Variants in VANGL1 observed in about 807,000 individuals in gnomAD.
VANGL1 encodes the protein VANGL planar cell polarity protein 1, also known as vang-like protein 1.
VANGL1 carries 18 observed loss-of-function variants against 48.4 expected under a neutral mutation model. The observed-to-expected ratio is 0.37, with a 90% CI of 0.26 to 0.55. The LOEUF is 0.55. Among genes scored for constraint, VANGL1 ranks in the 20% least tolerant of loss-of-function variants. VANGL1 has a pLI of 0.81. For missense variants in VANGL1, 667 were observed against 675.8 expected, an observed-to-expected ratio of 0.99 and a Z score of 0.14; for synonymous variants, 257 against 261.8, an observed-to-expected ratio of 0.98 and a Z score of 0.18.
At chr1:115,673,910 C>A (rs1257054468) in intron 4 of VANGL1, among the ~76,000 whole-genome samples, 1 of 152,048 alleles carries the variant, frequency 6.6e-6, no homozygotes, top group Non-Finnish European at 1.5e-5. Context: ...CACCTCTTTT[C>A]TTATACGGAT....
rs981841489 is a variant in VANGL1, at chr1:115,695,662, G to A, written c.*4283G>A. 1 of 152,212 alleles carries A rather than the reference G, an allele frequency of 6.6e-6. No individual in the cohort carries two copies. The highest frequency in any genetic ancestry group is 2.4e-5 in the African/African-American group (1 of 41,440). The allele number at this position is 152,212 out of a possible 1,614,324, so 9.4% of individuals were successfully genotyped here. On this transcript the variant is annotated 3_prime_UTR_variant, in exon 8 of 8. Transcript: ENST00000355485. The stretch of plus-strand genomic sequence containing the variant: ...CATTTATCAGGTAATGTATGTCACA[G>A]TCCGTGTTCCACCCAGCCTTGTTAT...
intron 2 of VANGL1, 122 bp downstream of exon 2, chr1:115,651,606 C>A: frequency 1.2e-6 from 1 of 824,770 alleles, no homozygotes; most frequent in Non-Finnish European, 2.0e-6. Context: ...GCATGAGAAG[C>A]TGAGCTTTAA....
rs1160475878 is a variant in VANGL1 at position 115,683,733 on chromosome 1, T to C, written c.947-211T>C. On this transcript the variant is annotated intron_variant, in intron 5 of 7. Transcript: ENST00000355485. The stretch of plus-strand genomic sequence containing the variant: ...TCCATTTCCACTGACCAGATTGGGG[T>C]TTAGGGAGATTCCTCTGCTCCCTTG... 2.0e-5 allele frequency among the ~76,000 whole-genome samples: 3 copies of C among 152,252 alleles called. No homozygotes were observed. In the East Asian group the frequency reaches 5.8e-4, roughly 29 times the overall value.
chr1:115,652,172 C>T (rs529815043), intron 2 of VANGL1, among the ~76,000 whole-genome samples: 32 of 152,260 alleles, frequency 2.1e-4, no homozygotes, highest in Non-Finnish European at 4.3e-4. Context: ...GTAGGATTGT[C>T]CTGGCACCTT....
chr1:115,657,627 G>C (rs904478165), intron 2 of VANGL1, among the ~76,000 whole-genome samples: 1 of 152,166 alleles, frequency 6.6e-6, no homozygotes, highest in African/African-American at 2.4e-5. Context: ...TGTTTCCCTA[G>C]CTGCCTTGTT....
intron 1 of VANGL1, chr1:115,642,582 C>G (rs1354345715): frequency 6.6e-6 from 1 of 152,380 alleles, no homozygotes; most frequent in South Asian, 2.1e-4. Flanking sequence ...CCGGGCGCCG[C>G]CTGGCCCTTC....
At chr1:115,686,102 C>T (rs111594701) in intron 7 of VANGL1, among the ~76,000 whole-genome samples, 177 of 152,058 alleles carry the variant, frequency 1.2e-3, no homozygotes, top group Non-Finnish European at 2.0e-3. Context: ...TGCCTTGTTG[C>T]CATATTCAAT....
chr1:115,669,163 A>G (rs1246879880), intron 4 of VANGL1, among the ~76,000 whole-genome samples: 2 of 152,226 alleles, frequency 1.3e-5, no homozygotes, highest in African/African-American at 2.4e-5. Context: ...ATGAACATCA[A>G]TGAAAAATGA....
intron 3 of VANGL1, among the ~76,000 whole-genome samples, chr1:115,663,042 T>C (rs959811304): frequency 3.3e-5 from 5 of 152,084 alleles, no homozygotes; most frequent in South Asian, 2.1e-4. Context: ...GCCTCGGCCT[T>C]CCAAAGTACG....
chr1:115,659,267 A>G (rs759510660), intron 2 of VANGL1, among the ~76,000 whole-genome samples: 50 of 152,152 alleles, frequency 3.3e-4, no homozygotes, highest in Admixed American at 8.5e-4. Context: ...TAAAAGCCCT[A>G]GAAAACTGGT....
rs1158301726 is a variant in VANGL1, at chr1:115,659,740, G to A, written c.171G>A (p.Leu57=). ...TIQPPTGEPL[L]GNDSTRTEEV... The stretch of plus-strand genomic sequence containing the variant: ...AACCTCCCACTGGAGAGCCCCTGTT[G>A]GGAAATGATTCTACTCGGACAGAGG... The change falls in exon 3 of 8, where the codon TTG becomes TTA. Residue 57 remains leucine (L), a synonymous_variant. Transcript: ENST00000355485. The A allele has an allele frequency of 6.2e-7, 1 of 1,614,048 alleles. No homozygotes were observed. Among genetic ancestry groups the A allele is most frequent in the Non-Finnish European group, 8.5e-7 (1 of 1,180,032 alleles).
At chr1:115,670,380 T>C (rs1652934833) in intron 4 of VANGL1, among the ~76,000 whole-genome samples, 1 of 152,242 alleles carries the variant, frequency 6.6e-6, no homozygotes, top group Non-Finnish European at 1.5e-5. Context: ...AGAGCTCATC[T>C]TGTCCTCTCT....
In VANGL1 at chr1:115,691,884, A is replaced by G. The variant is rs6700610; in HGVS notation, c.*505A>G. ...GGCAGTTCAGGAGATACCTGCCTTCATCTTTGTTCTTTGTTGCCTTAGGTT... is the reference window on the plus strand; with the variant it reads ...GGCAGTTCAGGAGATACCTGCCTTCGTCTTTGTTCTTTGTTGCCTTAGGTT... On this transcript the variant is annotated 3_prime_UTR_variant, in exon 8 of 8. Coordinates refer to ENST00000355485, the MANE Select transcript of VANGL1 (RefSeq NM_138959.3). 104,596 of 154,628 alleles carry G rather than the reference A, an allele frequency of 0.68. 36,426 individuals carry two copies. The highest frequency in any genetic ancestry group is 0.83 in the African/African-American group (34,652 of 41,542). 9.6% of individuals were successfully genotyped at this position (154,628 alleles called of 1,614,324 possible).
intron 3 of VANGL1, among the ~76,000 whole-genome samples, chr1:115,662,786 ATTT>A (rs747147852): frequency 2.9e-5 from 4 of 137,572 alleles, no homozygotes; most frequent in Non-Finnish European, 3.1e-5. Context: ...TCATAAGGAG[ATTT>A]TTTTTTTTTT....
rs1213905869 is a variant in VANGL1, at chr1:115,697,910, C to G, written c.*6531C>G. 6.6e-6 allele frequency: 1 copy of G among 152,166 alleles called. No homozygotes were observed. Among genetic ancestry groups the G allele is most frequent in the Non-Finnish European group, 1.5e-5 (1 of 68,048 alleles). The allele number at this position is 152,166 out of a possible 1,614,324, so 9.4% of individuals were successfully genotyped here. Reference sequence around the variant, plus strand: ...GTGTATGACAAGGCCTGAGTGAGTTCCTGCATAAACTGGGTAGTGGGCTCT... The same window carrying G: ...GTGTATGACAAGGCCTGAGTGAGTTGCTGCATAAACTGGGTAGTGGGCTCT... On this transcript the variant is annotated 3_prime_UTR_variant, in exon 8 of 8. Transcript: ENST00000355485.
At chr1:115,682,038 C>A (rs992257388) in intron 4 of VANGL1, among the ~76,000 whole-genome samples, 1 of 152,150 alleles carries the variant, frequency 6.6e-6, no homozygotes, top group Non-Finnish European at 1.5e-5. Context: ...TTTTGTAAAC[C>A]GAGGAAAAAT....
In VANGL1 at chr1:115,696,718, T is replaced by C. The variant is rs1347992772; in HGVS notation, c.*5339T>C. The stretch of plus-strand genomic sequence containing the variant: ...TTGTCTATGAAATAAGCCTCTTTAG[T>C]GGGTTGTTTTAGTCTCTCCAACAAA... On this transcript the variant is annotated 3_prime_UTR_variant, in exon 8 of 8. Transcript: ENST00000355485. 6.6e-6 allele frequency: 1 copy of C among 152,224 alleles called. No individual in the cohort carries two copies. Among genetic ancestry groups the C allele is most frequent in the Non-Finnish European group, 1.5e-5 (1 of 68,038 alleles). The allele number at this position is 152,224 out of a possible 1,614,324, so 9.4% of individuals were successfully genotyped here. A position where few individuals can be genotyped will look rare whatever the true frequency, so the allele number is the denominator to read the frequency against.
In VANGL1 at chr1:115,696,477, T is replaced by G. The variant is rs958262216; in HGVS notation, c.*5098T>G. 16 of 152,252 alleles carry G rather than the reference T, an allele frequency of 1.1e-4. No homozygotes were observed. Among genetic ancestry groups the G allele is most frequent in the Non-Finnish European group, 1.9e-4 (13 of 68,058 alleles). 9.4% of individuals were successfully genotyped at this position (152,252 alleles called of 1,614,324 possible). A position where few individuals can be genotyped will look rare whatever the true frequency, so the allele number is the denominator to read the frequency against. On this transcript the variant is annotated 3_prime_UTR_variant, in exon 8 of 8. Transcript: ENST00000355485. ...CATATGTAGTAAGTTTTGATTCAGT[T>G]GTGCATAAACCATAGTTTTCTGCCC...
rs1219710328 is a variant in VANGL1, at chr1:115,692,389, A to T, written c.*1010A>T. 1 of 152,748 alleles carries T rather than the reference A, an allele frequency of 6.5e-6. No individual in the cohort carries two copies. The highest frequency in any genetic ancestry group is 6.5e-5 in the Admixed American group (1 of 15,288). 9.5% of individuals were successfully genotyped at this position (152,748 alleles called of 1,614,324 possible). ...GGGGACGTAAGTTCTTCCCAAGCTTAGAGCAAGCTGCCCTGCCAAAGGAGA... is the reference window on the plus strand; with the variant it reads ...GGGGACGTAAGTTCTTCCCAAGCTTTGAGCAAGCTGCCCTGCCAAAGGAGA... On this transcript the variant is annotated 3_prime_UTR_variant, in exon 8 of 8. Transcript: ENST00000355485.
Sources: allele counts gnomAD v4.1 joint callset (sites outside exome capture counted in the v4.1 genomes callset), GRCh38; gene constraint gnomAD v4.1.1; transcripts MANE v1.5; gene names NCBI Gene and HGNC (gene_info 2026-07-23, HGNC 2026-07-21).